The following SEPTIN2 variants were observed in gnomAD, a reference collection of about 807,000 sequenced individuals.
SEPTIN2 encodes septin 2, also known as septin-2.
Under a neutral mutation model 46.5 loss-of-function variants are expected in SEPTIN2, and 34 were observed. The ratio of observed to expected loss-of-function variants is 0.73; its 90% confidence interval spans 0.56 to 0.97. The LOEUF is 0.97. Among genes scored for constraint, SEPTIN2 ranks in the 50% least tolerant of loss-of-function variants. The pLI is 0.00. For synonymous variants in SEPTIN2, 175 were observed against 153.4 expected (o/e 1.14, Z -1.04); for missense variants, 347 against 448.4 (o/e 0.77, Z 2.04).
chr2:241,324,012 GA>G (rs1482952698), intron 1 of SEPTIN2: 1 of 532,418 alleles, frequency 1.9e-6, no homozygotes, highest in Non-Finnish European at 3.3e-6. Flanking sequence ...TAAAAGTAGT[GA>G]TGTTACACGA....
At chr2:241,319,797 T>G (rs1283550209) in intron 1 of SEPTIN2, among the ~76,000 whole-genome samples, 1 of 152,148 alleles carries the variant, frequency 6.6e-6, no homozygotes, top group Admixed American at 6.5e-5. Context: ...TTTCACCATG[T>G]TGTCCAGACT....
At chr2:241,345,607 T>C (rs11901083) in intron 9 of SEPTIN2, among the ~76,000 whole-genome samples, 1 of 152,200 alleles carries the variant, frequency 6.6e-6, no homozygotes. Context: ...TTAAAAAAAA[T>C]TTTTTAAGAG....
rs904460246 is a variant in SEPTIN2, at chr2:241,353,600, A to G, written c.*1663A>G. ...ACTGTTGCTTAATTGTGAACAGCCAAAAGCTATATGTTATGGCTTATTGTG... is the reference window on the plus strand; with the variant it reads ...ACTGTTGCTTAATTGTGAACAGCCAGAAGCTATATGTTATGGCTTATTGTG... On this transcript the variant is annotated 3_prime_UTR_variant, in exon 13 of 13. Coordinates refer to ENST00000391971, the MANE Select transcript of SEPTIN2 (RefSeq NM_004404.5). The G allele has an allele frequency of 1.3e-5, 2 of 152,286 alleles. No homozygotes were observed. Among genetic ancestry groups the G allele is most frequent in the African/African-American group, 4.8e-5 (2 of 41,456 alleles). The allele number at this position is 152,286 out of a possible 1,614,324, so 9.4% of individuals were successfully genotyped here.
chr2:241,336,630 C>G (rs2080040231), intron 5 of SEPTIN2, among the ~76,000 whole-genome samples: 1 of 152,186 alleles, frequency 6.6e-6, no homozygotes, highest in South Asian at 2.1e-4. Flanking sequence ...GGGGAAGGTT[C>G]TGTTATCTTT....
chr2:241,348,335 C>T (rs1343101430), intron 11 of SEPTIN2, 144 bp downstream of exon 11: 67 of 492,094 alleles, frequency 1.4e-4, no homozygotes, highest in East Asian at 4.4e-4. Flanking sequence ...TCAAGTGATT[C>T]TCCTGCCTCA....
chr2:241,351,467 A>T (rs1279066058), intron 12 of SEPTIN2: 1 of 152,208 alleles, frequency 6.6e-6, no homozygotes, highest in South Asian at 2.1e-4. Context: ...GTATGTGCTT[A>T]GTTCACACTT....
intron 1 of SEPTIN2, among the ~76,000 whole-genome samples, chr2:241,317,267 G>A (rs1170504654): frequency 6.6e-6 from 1 of 152,080 alleles, no homozygotes; most frequent in African/African-American, 2.4e-5. Context: ...GTATAATCTT[G>A]GCATTGATCT....
At chr2:241,338,733 TTA>T (rs1214182974) in intron 7 of SEPTIN2, among the ~76,000 whole-genome samples, 6 of 103,488 alleles carry the variant, frequency 5.8e-5, no homozygotes, top group African/African-American at 1.9e-4. Flanking sequence ...ATTATATATA[TTA>T]TATTATTTAT....
intron 7 of SEPTIN2, among the ~76,000 whole-genome samples, chr2:241,340,210 A>G (rs2081070316): frequency 1.3e-5 from 2 of 152,196 alleles, no homozygotes; most frequent in South Asian, 2.1e-4. Context: ...GAGAAATTGT[A>G]TCTCATTTGA....
Position 241,335,182 on chromosome 2 carries a change from T to C in SEPTIN2, c.187T>C (p.Tyr63His). The C allele has an allele frequency of 6.2e-7, 1 of 1,613,886 alleles. No individual in the cohort carries two copies. The highest frequency in any genetic ancestry group is 8.5e-7 in the Non-Finnish European group (1 of 1,179,830). The stretch of plus-strand genomic sequence containing the variant: ...AAACAGCCTATTCCTAACTGATCTG[T>C]ACCCAGAAAGAGTCATACCTGGAGC... Reference protein sequence around the residue: ...LINSLFLTDLYPERVIPGAAE... With the variant: ...LINSLFLTDLHPERVIPGAAE... Residue 63 changes from tyrosine to histidine, a missense_variant, in exon 4 of 13, where the codon TAC becomes CAC. Transcript: ENST00000391971.
intron 11 of SEPTIN2, among the ~76,000 whole-genome samples, chr2:241,348,868 G>A (rs2060517449): frequency 6.6e-6 from 1 of 152,116 alleles, no homozygotes; most frequent in Non-Finnish European, 1.5e-5. Flanking sequence ...GTAAACAATA[G>A]GATCATAATG....
intron 1 of SEPTIN2, among the ~76,000 whole-genome samples, chr2:241,322,019 A>G (rs7570017): frequency 0.14 from 21,689 of 152,136 alleles, 2,050 homozygotes; most frequent in Non-Finnish European, 0.21. Context: ...TACTGCTACT[A>G]TCCCTTGGTT....
chr2:241,333,997 C>T (rs1028094527), intron 3 of SEPTIN2, among the ~76,000 whole-genome samples: 1 of 152,040 alleles, frequency 6.6e-6, no homozygotes, highest in African/African-American at 2.4e-5. Context: ...ACTCTAGGTA[C>T]AAGCCACAAC....
At position 241,338,857 on chromosome 2, in the gene SEPTIN2, T is replaced by A. The variant is rs1473331409; in HGVS notation, c.594+1067T>A. 4.2e-3 allele frequency among the ~76,000 whole-genome samples: 404 copies of A among 95,744 alleles called. 2 individuals carry two copies. Among genetic ancestry groups the A allele is most frequent in the Non-Finnish European group, 6.5e-3 (366 of 55,900 alleles). The allele number at this position is 95,744 out of a possible 152,430, so 62.8% of individuals were successfully genotyped here. On this transcript the variant is annotated intron_variant, in intron 7 of 12. Transcript: ENST00000391971. The stretch of plus-strand genomic sequence containing the variant: ...ATATATAATAAATATATAATATATA[T>A]AAAAATATATATATTTAATATATCT...
chr2:241,338,639 TAA>T (rs1462101864), intron 7 of SEPTIN2, among the ~76,000 whole-genome samples: 33 of 130,474 alleles, frequency 2.5e-4, no homozygotes, highest in African/African-American at 9.3e-4. Flanking sequence ...TAAATATATA[TAA>T]TATATATTAC....
chr2:241,324,478 C>A (rs1325287728), intron 2 of SEPTIN2: 1 of 496,826 alleles, frequency 2.0e-6, no homozygotes, highest in Non-Finnish European at 3.7e-6. Context: ...ACTTCTGCCT[C>A]CCACGTTCAA....
Position 241,324,223 on chromosome 2 carries a change from T to G in SEPTIN2, c.-10T>G, listed in dbSNP as rs948255491. 3 of 1,611,072 alleles carry G rather than the reference T, an allele frequency of 1.9e-6. No individual in the cohort carries two copies. The highest frequency in any genetic ancestry group is 3.3e-4 in the Middle Eastern group (2 of 6,050). ...GTGTTTTTTTTTTAACAGACGAAGC[T>G]TCACAAAAGATGTCTAAGGTAAGAT... On this transcript the variant is annotated 5_prime_UTR_variant, in exon 2 of 13. Transcript: ENST00000391971.
At chr2:241,320,200 T>C (rs1314175408) in intron 1 of SEPTIN2, 1 of 470,756 alleles carries the variant, frequency 2.1e-6, no homozygotes, top group African/African-American at 2.0e-5. Context: ...CTTTTCTCTG[T>C]AGAGGCTTGG....
intron 3 of SEPTIN2, among the ~76,000 whole-genome samples, chr2:241,331,258 T>C (rs945357733): frequency 1.1e-4 from 16 of 152,212 alleles, no homozygotes; most frequent in Non-Finnish European, 2.4e-4. Context: ...ACAAAAAATA[T>C]TGTTCAGAGA....
Sources: allele counts gnomAD v4.1 joint callset (sites outside exome capture counted in the v4.1 genomes callset), GRCh38; gene constraint gnomAD v4.1.1; transcripts MANE v1.5; gene names NCBI Gene and HGNC (gene_info 2026-07-23, HGNC 2026-07-21).